SH2B3: variants seen among roughly 807,000 people sequenced by gnomAD.
SH2B3 encodes the protein SH2B adapter protein 3.
A neutral mutation model predicts 51.9 loss-of-function variants in SH2B3; 43 were observed. The observed-to-expected ratio is 0.83, with a 90% CI of 0.65 to 1.07. The LOEUF is 1.07. SH2B3 is among the 50% of genes least tolerant of loss of function. The probability of loss-of-function intolerance (pLI) is 0.00; values close to 1 mark genes in which losing one functional copy is unlikely to be tolerated. For synonymous variants in SH2B3, 396 were observed against 376.0 expected (o/e 1.05, Z -0.62); for missense variants, 952 against 834.3 (o/e 1.14, Z -1.74).
At chr12:111,443,388 G>C (rs1873621555) in intron 2 of SH2B3, 1 of 152,260 alleles carries the variant, frequency 6.6e-6, no homozygotes, top group South Asian at 2.1e-4. Context: ...CTGGAACCAG[G>C]CTGGCTTTCC....
At chr12:111,417,582 T>C (rs1327899984) in intron 1 of SH2B3, among the ~76,000 whole-genome samples, 1 of 151,830 alleles carries the variant, frequency 6.6e-6, no homozygotes. Context: ...TCCCAAGTAG[T>C]TAGGACTACA....
chr12:111,425,186 A>T (rs1871893494), intron 2 of SH2B3, among the ~76,000 whole-genome samples: 1 of 152,042 alleles, frequency 6.6e-6, no homozygotes, highest in South Asian at 2.1e-4. Context: ...GGGCACTATG[A>T]GGGCTGCGCT....
rs1170386061 is a variant in SH2B3 at position 111,418,649 on chromosome 12, G to A, written c.504G>A (p.Glu168=). The A allele has an allele frequency of 2.0e-6, 3 of 1,482,490 alleles. No individual in the cohort carries two copies. Among genetic ancestry groups the A allele is most frequent in the Non-Finnish European group, 1.8e-6 (2 of 1,125,902 alleles). The allele number at this position is 1,482,490 out of a possible 1,614,324, so 91.8% of individuals were successfully genotyped here. A position where few individuals can be genotyped will look rare whatever the true frequency, so the allele number is the denominator to read the frequency against. ...CTGCCGCCCCCGGGACCCCCGGAGA[G>A]GCTGCTGAGACCCCCGCCCGGCCTG... ...HTAAAPGTPG[E]AAETPARPGL... The change falls in exon 2 of 8, where the codon GAG becomes GAA. Residue 168 remains glutamate (E), a synonymous_variant. Coordinates refer to ENST00000341259, the MANE Select transcript of SH2B3 (RefSeq NM_005475.3). This position sits in a 1 kb window ranked among gnomAD's most constrained non-coding sequence, Gnocchi z 6.7.
intron 2 of SH2B3, among the ~76,000 whole-genome samples, chr12:111,437,393 C>T (rs1228794995): frequency 6.6e-6 from 1 of 152,136 alleles, no homozygotes; most frequent in Non-Finnish European, 1.5e-5. Context: ...GGGGAAAGGG[C>T]ACCTGAGGCA....
chr12:111,416,146 G>C (rs376582744), intron 1 of SH2B3, among the ~76,000 whole-genome samples: 2 of 151,988 alleles, frequency 1.3e-5, no homozygotes, highest in African/African-American at 2.4e-5. Flanking sequence ...GTTTCACCGT[G>C]TTAGCCAGGA....
chr12:111,447,658 C>T lies in SH2B3; in HGVS notation c.1239C>T (p.His413=), dbSNP rs771440159. The T allele has an allele frequency of 1.2e-6, 2 of 1,611,696 alleles. No homozygotes were observed. Among genetic ancestry groups the T allele is most frequent in the East Asian group, 2.2e-5 (1 of 44,822 alleles). ...CCCACCATCCTCTCCTCCCACAGCA[C>T]CTGCGCCTGTCGCTGACAGAGCGGG... is the stretch of plus-strand genomic sequence containing the variant. The part of the protein sequence containing the change: ...LTFNFQGIAK[H]LRLSLTERGQ... Residue 413 remains histidine, a splice_region_variant and synonymous_variant, in exon 7 of 8, where the codon CAC becomes CAT. Coordinates refer to ENST00000341259, the MANE Select transcript of SH2B3 (RefSeq NM_005475.3).
At chr12:111,430,778 CA>C (rs1333868284) in intron 2 of SH2B3, among the ~76,000 whole-genome samples, 1 of 152,148 alleles carries the variant, frequency 6.6e-6, no homozygotes, top group Non-Finnish European at 1.5e-5. Context: ...GAGCCAACTG[CA>C]GGCTCAGGGA....
chr12:111,418,911 C>T lies in SH2B3; in HGVS notation c.732+34C>T. The T allele has an allele frequency of 7.3e-7, 1 of 1,372,212 alleles. No homozygotes were observed. The allele number at this position is 1,372,212 out of a possible 1,614,324, so 85.0% of individuals were successfully genotyped here. On this transcript the variant is annotated intron_variant, in intron 2 of 7. Transcript: ENST00000341259. This position sits in a 1 kb window ranked among gnomAD's most constrained non-coding sequence, Gnocchi z 6.7. ...GCCCTGCCCGCGGGGTTGCGCACTGCACTGCGCCCTTCGCCTTCACCCTGG... is the reference window on the plus strand; with the variant it reads ...GCCCTGCCCGCGGGGTTGCGCACTGTACTGCGCCCTTCGCCTTCACCCTGG...
chr12:111,435,035 G>C lies in SH2B3; in HGVS notation c.733-11718G>C. ...AATCATCGTTCTTCGAAGGCAGGCA[G>C]TAGCTACCGTTGTCTGGGGCTTTGG... On this transcript the variant is annotated intron_variant, in intron 2 of 7. Transcript: ENST00000341259. The surrounding 1 kb of genome is among the most constrained non-coding windows in gnomAD (Gnocchi z 4.8). 2 of 1,532,906 alleles carry C rather than the reference G, an allele frequency of 1.3e-6. No homozygotes were observed. Among genetic ancestry groups the C allele is most frequent in the Non-Finnish European group, 1.7e-6 (2 of 1,144,508 alleles). The allele number at this position is 1,532,906 out of a possible 1,614,324, so 95.0% of individuals were successfully genotyped here.
At chr12:111,422,573 T>A (rs960023859) in intron 2 of SH2B3, among the ~76,000 whole-genome samples, 2 of 151,866 alleles carry the variant, frequency 1.3e-5, no homozygotes, top group African/African-American at 4.8e-5. Context: ...GTTTTTTTTT[T>A]TTCTTGAGAT....
rs1003057920 is a variant in SH2B3 at position 111,450,393 on chromosome 12, T to TAAGA, written c.*2092_*2095dup. The TAAGA allele has an allele frequency of 5.9e-5, 9 of 152,216 alleles. No individual in the cohort carries two copies. Among genetic ancestry groups the TAAGA allele is most frequent in the African/African-American group, 2.2e-4 (9 of 41,454 alleles). The allele number at this position is 152,216 out of a possible 1,614,324, so 9.4% of individuals were successfully genotyped here. ...AATTAGTGTGAACCAAAAGAGTAAGTAAGAGTCTGAAGTTTTTTTAAAGGA... is the reference window on the plus strand; with the variant it reads ...AATTAGTGTGAACCAAAAGAGTAAGTAAGAAAGAGTCTGAAGTTTTTTTAAAGGA... On this transcript the variant is annotated 3_prime_UTR_variant, in exon 8 of 8. Transcript: ENST00000341259.
intron 2 of SH2B3, among the ~76,000 whole-genome samples, chr12:111,422,840 G>A (rs1232121941): frequency 3.3e-5 from 5 of 152,128 alleles, no homozygotes; most frequent in East Asian, 1.9e-4. Context: ...GATTACAGGC[G>A]TGAGCTACCT....
chr12:111,427,857 A>G lies in SH2B3; in HGVS notation c.732+8980A>G, dbSNP rs139743930. Among the ~76,000 whole-genome samples the G allele has an allele frequency of 2.7e-3, 405 of 152,352 alleles. 1 individual carries two copies. The highest frequency in any genetic ancestry group is 9.1e-3 in the African/African-American group (377 of 41,584). On this transcript the variant is annotated intron_variant, in intron 2 of 7. Coordinates refer to ENST00000341259, the MANE Select transcript of SH2B3 (RefSeq NM_005475.3). ...CACTTTACTGACCTGGCTTCATTTT[A>G]TCTTCACAGCAGCCCTGTGAGGGTA...
intron 2 of SH2B3, among the ~76,000 whole-genome samples, chr12:111,436,714 T>TGCCA (rs1437198634): frequency 6.6e-6 from 1 of 151,978 alleles, no homozygotes; most frequent in Non-Finnish European, 1.5e-5. Flanking sequence ...TCTGTGTCCT[T>TGCCA]GCCATCATGA....
intron 2 of SH2B3, among the ~76,000 whole-genome samples, chr12:111,428,871 G>A (rs1354841152): frequency 6.6e-6 from 1 of 152,134 alleles, no homozygotes; most frequent in African/African-American, 2.4e-5. Flanking sequence ...TGAGACCCGG[G>A]GAGGCCACAG....
chr12:111,443,863 T>C (rs971542813), intron 2 of SH2B3: 2 of 152,220 alleles, frequency 1.3e-5, no homozygotes, highest in Admixed American at 6.5e-5. Context: ...CAGGGTTGTA[T>C]AGGAAGTGGC....
intron 2 of SH2B3, among the ~76,000 whole-genome samples, chr12:111,441,252 T>A (rs1393749797): frequency 6.6e-6 from 1 of 151,300 alleles, no homozygotes; most frequent in Non-Finnish European, 1.5e-5. Context: ...GTGGCATGTG[T>A]CTGTAATCCC....
chr12:111,424,476 G>A lies in SH2B3; in HGVS notation c.732+5599G>A, dbSNP rs534859679. 5.9e-5 allele frequency among the ~76,000 whole-genome samples: 9 copies of A among 152,254 alleles called. No homozygotes were observed. In the East Asian group the frequency reaches 1.3e-3, roughly 23 times the overall value. ...GGCCCTCAGGGGAAGGCATCCCCAA[G>A]ACTCCTGTTCTCTGGGAGCCCTGAT... On this transcript the variant is annotated intron_variant, in intron 2 of 7. Transcript: ENST00000341259.
Position 111,447,838 on chromosome 12 carries a change from A to G in SH2B3, c.1408+11A>G. 6.2e-7 allele frequency: 1 copy of G among 1,610,786 alleles called. No individual in the cohort carries two copies. The highest frequency in any genetic ancestry group is 8.5e-7 in the Non-Finnish European group (1 of 1,177,470). On this transcript the variant is annotated intron_variant, in intron 7 of 7. Coordinates refer to ENST00000341259, the MANE Select transcript of SH2B3 (RefSeq NM_005475.3). ...TCTCCCAACCACCAGGTCTGACCCT[A>G]CTGCCCTTTGCTGAAGGGGGTGGCT...
Sources: gnomAD v4.1 joint callset for allele counts (sites outside exome capture counted in the v4.1 genomes callset) on GRCh38, gnomAD v4.1.1 for gene constraint, Gnocchi (gnomAD v3.1) non-coding constraint, MANE v1.5 for transcripts, NCBI Gene and HGNC (gene_info 2026-07-23, HGNC 2026-07-21) for gene names.